The following CNTN1 variants were observed in gnomAD, a reference collection of about 807,000 sequenced individuals.
CNTN1 encodes the protein contactin-1.
In CNTN1, 38 loss-of-function variants were observed where a neutral mutation model predicts 126.4. The ratio of observed to expected loss-of-function variants is 0.30; its 90% CI spans 0.23 to 0.39. The LOEUF (loss-of-function observed/expected upper bound fraction) is 0.39. Among genes scored for constraint, CNTN1 ranks in the 10% least tolerant of loss-of-function variants. The pLI is 1.00. For synonymous variants in CNTN1, 413 were observed against 422.6 expected, an observed-to-expected ratio of 0.98 and a Z score of 0.28; for missense variants, 1,009 against 1,248.4, an observed-to-expected ratio of 0.81 and a Z score of 2.89.
At chr12:40,867,409 TA>T (rs1943333942) in intron 1 of CNTN1, among the ~76,000 whole-genome samples, 1 of 152,154 alleles carries the variant, frequency 6.6e-6, no homozygotes, top group South Asian at 2.1e-4. Flanking sequence ...ACATGTCAGC[TA>T]AGTAAGAGGA....
intron 15 of CNTN1, among the ~76,000 whole-genome samples, chr12:40,967,178 T>A (rs1947338386): frequency 1.3e-5 from 2 of 151,504 alleles, no homozygotes; most frequent in Non-Finnish European, 2.9e-5. Flanking sequence ...TCTCAAATAA[T>A]AATAATTATA....
At chr12:41,069,100 A>AC (rs1224773398) in intron 23 of CNTN1, among the ~76,000 whole-genome samples, 4 of 152,234 alleles carry the variant, frequency 2.6e-5, no homozygotes, top group African/African-American at 9.6e-5. Flanking sequence ...GTTTCTCAAA[A>AC]ATTCTCATGT....
intron 3 of CNTN1, among the ~76,000 whole-genome samples, chr12:40,910,811 G>A (rs1302780410): frequency 2.6e-4 from 40 of 152,184 alleles, no homozygotes; most frequent in Non-Finnish European, 1.5e-5. Context: ...TGACTGGCAA[G>A]TAGGTGCTTA....
chr12:41,060,131 AGTTT>A (rs1325827222), intron 23 of CNTN1, among the ~76,000 whole-genome samples: 2 of 152,204 alleles, frequency 1.3e-5, no homozygotes, highest in African/African-American at 4.8e-5. Context: ...ATGGCCAGTT[AGTTT>A]CACTCTTTCT....
intron 1 of CNTN1, among the ~76,000 whole-genome samples, chr12:40,782,553 A>G (rs1205159942): frequency 6.6e-6 from 1 of 151,926 alleles, no homozygotes; most frequent in Non-Finnish European, 1.5e-5. Flanking sequence ...GATCATTTCT[A>G]GTGTAGTTAC....
chr12:40,783,211 TA>T (rs1262753190), intron 1 of CNTN1, among the ~76,000 whole-genome samples: 7 of 144,706 alleles, frequency 4.8e-5, no homozygotes, highest in Non-Finnish European at 1.1e-4. Context: ...ATATATTTAT[TA>T]AAGATTTTAG....
intron 2 of CNTN1, among the ~76,000 whole-genome samples, chr12:40,909,633 T>A (rs1237734849): frequency 6.6e-6 from 1 of 151,930 alleles, no homozygotes; most frequent in East Asian, 1.9e-4. Flanking sequence ...TCAGAAAAGA[T>A]CATTTCATTA....
chr12:40,925,166 T>A (rs1945598798), intron 6 of CNTN1, among the ~76,000 whole-genome samples: 1 of 151,870 alleles, frequency 6.6e-6, no homozygotes, highest in Non-Finnish European at 1.5e-5. Flanking sequence ...TCATCTGTTA[T>A]GAAATTCAAT....
intron 1 of CNTN1, among the ~76,000 whole-genome samples, chr12:40,700,717 A>G (rs919371462): frequency 3.3e-5 from 5 of 152,166 alleles, no homozygotes; most frequent in Non-Finnish European, 7.3e-5. Flanking sequence ...GGTACTTAGT[A>G]AGAATGGCAA....
rs984070930 is a variant in CNTN1, at chr12:40,989,885, T to C, written c.1964-3235T>C. Among the ~76,000 whole-genome samples the C allele has an allele frequency of 4.6e-5, 7 of 152,022 alleles. No individual in the cohort carries two copies. The East Asian group carries it at 1.2e-3, about 25-fold the overall frequency. ...GACCTAGCCAGTCTTGGAGTTCCATTTGTAGTGATGATATGGGCTACTTAG... is the reference window on the plus strand; with the variant it reads ...GACCTAGCCAGTCTTGGAGTTCCATCTGTAGTGATGATATGGGCTACTTAG... On this transcript the variant is annotated intron_variant, in intron 16 of 23. Coordinates refer to ENST00000551295, the MANE Select transcript of CNTN1 (RefSeq NM_001843.4).
intron 14 of CNTN1, among the ~76,000 whole-genome samples, chr12:40,954,691 T>C (rs1566029235): frequency 6.6e-6 from 1 of 152,148 alleles, no homozygotes; most frequent in Non-Finnish European, 1.5e-5. Flanking sequence ...CAGAATTCTC[T>C]TAAAGCTGTT....
intron 16 of CNTN1, among the ~76,000 whole-genome samples, chr12:40,981,737 T>G (rs1947828097): frequency 6.6e-6 from 1 of 152,128 alleles, no homozygotes; most frequent in South Asian, 2.1e-4. Context: ...TATTTTCTCC[T>G]GTAAAATGGA....
At chr12:40,743,061 G>C (rs1938017666) in intron 1 of CNTN1, among the ~76,000 whole-genome samples, 1 of 152,050 alleles carries the variant, frequency 6.6e-6, no homozygotes, top group South Asian at 2.1e-4. Context: ...TTGAGGCCGG[G>C]GGAATGGGAG....
Position 40,906,180 on chromosome 12 carries a change from A to G in CNTN1, c.-76-2177A>G, listed in dbSNP as rs932072372. ...CAGCTACTCGGGAGGCTGAGGCAGG[A>G]GAATGGCGTGAACCCAGGAGGTGGA... On this transcript the variant is annotated intron_variant, in intron 1 of 23. Transcript: ENST00000551295. Among the ~76,000 whole-genome samples the G allele has an allele frequency of 1.1e-3, 164 of 152,282 alleles. 1 individual carries two copies. The highest frequency in any genetic ancestry group is 3.8e-3 in the African/African-American group (157 of 41,558).
intron 17 of CNTN1, among the ~76,000 whole-genome samples, chr12:41,002,045 T>G (rs1240922194): frequency 6.6e-6 from 1 of 152,202 alleles, no homozygotes. Context: ...TAGAATAAAG[T>G]TGGGCAGTGT....
At chr12:40,810,730 A>G (rs1256435882) in intron 1 of CNTN1, among the ~76,000 whole-genome samples, 1 of 152,138 alleles carries the variant, frequency 6.6e-6, no homozygotes, top group Non-Finnish European at 1.5e-5. Context: ...TTCCTTTTAA[A>G]AATTGAGCTG....
At chr12:40,795,274 TACACACACACACACACACACACACAC>T (rs71078269) in intron 1 of CNTN1, among the ~76,000 whole-genome samples, 1 of 124,166 alleles carries the variant, frequency 8.1e-6, no homozygotes, top group Non-Finnish European at 1.7e-5. Context: ...TCTACATGTA[TACACACACACACACACACACACACAC>T]ACACACACAC....
At chr12:40,911,305 C>T (rs1945023085) in intron 3 of CNTN1, among the ~76,000 whole-genome samples, 1 of 152,100 alleles carries the variant, frequency 6.6e-6, no homozygotes, top group African/African-American at 2.4e-5. Context: ...TGGTCTCAAT[C>T]TCCTGACCTC....
chr12:41,007,077 T>G (rs1467062686), intron 17 of CNTN1, among the ~76,000 whole-genome samples: 3 of 88,842 alleles, frequency 3.4e-5, no homozygotes, highest in South Asian at 3.5e-4. Flanking sequence ...TTTTTTTTTT[T>G]GAGACGGAGT....
Sources: allele counts gnomAD v4.1 joint callset (sites outside exome capture counted in the v4.1 genomes callset), GRCh38; gene constraint gnomAD v4.1.1; transcripts MANE v1.5; gene names NCBI Gene and HGNC (gene_info 2026-07-23, HGNC 2026-07-21).